CPXM2: variants seen among roughly 807,000 people sequenced by gnomAD.
The protein encoded by CPXM2 is inactive carboxypeptidase-like protein X2.
CPXM2 carries 66 observed loss-of-function variants against 86.1 expected under a neutral mutation model. That is an observed-to-expected ratio of 0.77 (90% CI 0.63 to 0.94). CPXM2 has a LOEUF of 0.94. Among genes scored for constraint, CPXM2 ranks in the 40% least tolerant of loss-of-function variants. The pLI, the probability that CPXM2 is intolerant of heterozygous loss-of-function variation, is 0.00. For synonymous variants in CPXM2, 388 were observed against 400.2 expected, an observed-to-expected ratio of 0.97 and a Z score of 0.36; for missense variants, 948 against 1,026.3, an observed-to-expected ratio of 0.92 and a Z score of 1.04.
At chr10:123,898,827 A>G (rs947611543) in intron 2 of CPXM2, among the ~76,000 whole-genome samples, 3 of 152,186 alleles carry the variant, frequency 2.0e-5, no homozygotes, top group African/African-American at 7.2e-5. Context: ...TCACTGCAAC[A>G]TCAACCTCTC....
At chr10:123,821,623 G>C (rs1384994884) in intron 4 of CPXM2, among the ~76,000 whole-genome samples, 1 of 152,204 alleles carries the variant, frequency 6.6e-6, no homozygotes, top group East Asian at 1.9e-4. Flanking sequence ...GGGACACTAT[G>C]TCTGCATGTC....
chr10:123,763,952 A>G (rs1222954861), intron 10 of CPXM2, among the ~76,000 whole-genome samples: 1 of 152,300 alleles, frequency 6.6e-6, no homozygotes, highest in East Asian at 1.9e-4. Context: ...AATGTATAAG[A>G]AATCTACTGT....
chr10:123,874,122 C>T (rs1218706280), intron 2 of CPXM2, among the ~76,000 whole-genome samples: 1 of 152,062 alleles, frequency 6.6e-6, no homozygotes, highest in East Asian at 1.9e-4. Flanking sequence ...CTCAGCCTCC[C>T]AAAGTGCTGG....
chr10:123,887,333 CA>C (rs1298499115), intron 1 of CPXM2, among the ~76,000 whole-genome samples: 1 of 152,076 alleles, frequency 6.6e-6, no homozygotes, highest in Non-Finnish European at 1.5e-5. Context: ...TGTACAGTAC[CA>C]AAATCCTACT....
chr10:123,872,914 T>A (rs1944916169), intron 2 of CPXM2, among the ~76,000 whole-genome samples: 1 of 150,484 alleles, frequency 6.6e-6, no homozygotes. Flanking sequence ...GGCTTCAACT[T>A]GCCATAAAAA....
At chr10:123,819,537 C>T (rs752873738) in intron 4 of CPXM2, among the ~76,000 whole-genome samples, 2 of 152,198 alleles carry the variant, frequency 1.3e-5, no homozygotes, top group Non-Finnish European at 2.9e-5. Context: ...TGCATGTTTA[C>T]ACTTGTACTA....
chr10:123,877,322 A>G (rs1178602395), intron 2 of CPXM2, among the ~76,000 whole-genome samples: 3 of 152,254 alleles, frequency 2.0e-5, no homozygotes, highest in Admixed American at 6.5e-5. Context: ...AAACAAGGTC[A>G]TGCTTTATCT....
intron 12 of CPXM2, among the ~76,000 whole-genome samples, chr10:123,756,327 G>A (rs367750814): frequency 3.9e-4 from 59 of 152,290 alleles, no homozygotes; most frequent in Admixed American, 2.1e-3. Flanking sequence ...AGTGGGGCCC[G>A]GATACTGTTT....
At chr10:123,936,182 C>CTGTAAAGTAGT (rs1945718891) in intron 2 of CPXM2, among the ~76,000 whole-genome samples, 18 of 152,356 alleles carry the variant, frequency 1.2e-4, no homozygotes, top group Non-Finnish European at 2.4e-4. Context: ...CCCAAAGTAG[C>CTGTAAAGTAGT]CCTGTAAGAT....
chr10:123,879,687 C>A (rs1945049438), intron 2 of CPXM2, among the ~76,000 whole-genome samples: 1 of 152,076 alleles, frequency 6.6e-6, no homozygotes, highest in Non-Finnish European at 1.5e-5. Context: ...AGCTCATGGG[C>A]CAGAGATTGT....
intron 2 of CPXM2, among the ~76,000 whole-genome samples, chr10:123,923,281 T>C (rs1455426998): frequency 6.6e-6 from 1 of 152,240 alleles, no homozygotes; most frequent in Non-Finnish European, 1.5e-5. Flanking sequence ...ATCCTGGCTC[T>C]TAAGAAATAA....
At chr10:123,904,912 A>ATCTGCATCCAGAGACCTCCCCTC in intron 2 of CPXM2, among the ~76,000 whole-genome samples, 1 of 131,662 alleles carries the variant, frequency 7.6e-6, no homozygotes, top group Non-Finnish European at 1.6e-5. Flanking sequence ...GCTCTGCATC[A>ATCTGCATCCAGAGACCTCCCCTC]CACCTGCATC....
At chr10:123,898,150 A>G (rs1248710284) in intron 2 of CPXM2, among the ~76,000 whole-genome samples, 3 of 152,260 alleles carry the variant, frequency 2.0e-5, no homozygotes, top group Admixed American at 2.0e-4. Flanking sequence ...GACTAAAAAT[A>G]TAATAAACTA....
At chr10:123,823,405 G>A (rs933031538) in intron 4 of CPXM2, among the ~76,000 whole-genome samples, 12 of 152,268 alleles carry the variant, frequency 7.9e-5, no homozygotes, top group South Asian at 4.1e-4. Context: ...AGATTTTTGC[G>A]TCTGTCAGAA....
chr10:123,843,669 T>C (rs561144027), intron 3 of CPXM2, among the ~76,000 whole-genome samples: 4 of 152,318 alleles, frequency 2.6e-5, no homozygotes, highest in African/African-American at 9.6e-5. Flanking sequence ...TTACTTTTAA[T>C]TGGCAATGGA....
Position 123,834,725 on chromosome 10 carries a change from C to T in CPXM2, c.653+7624G>A, listed in dbSNP as rs78101799. Among the ~76,000 whole-genome samples, 981 of 152,294 alleles carry T rather than the reference C, an allele frequency of 6.4e-3. 7 individuals are homozygous for T. The highest frequency in any genetic ancestry group is 0.023 in the African/African-American group (937 of 41,550). On this transcript the variant is annotated intron_variant, in intron 4 of 13. Coordinates refer to ENST00000241305, the MANE Select transcript of CPXM2 (RefSeq NM_198148.3). The stretch of plus-strand genomic sequence containing the variant: ...CTAATGTCATGTGGAAATCTGATCC[C>T]GTGTTGGAGGTGCAGCTTAATGGGA...
chr10:123,922,884 G>A lies in CPXM2; in HGVS notation n.174+16593C>T, dbSNP rs557389756. On this transcript the variant is annotated intron_variant and non_coding_transcript_variant, in intron 2 of 19. Coordinates refer to the CPXM2 transcript ENST00000368854. Reference sequence around the variant, plus strand: ...AACAGGATATTCACACGAGGCCAACGTATCACCCACAGATAACTGAATAAT... The same window carrying A: ...AACAGGATATTCACACGAGGCCAACATATCACCCACAGATAACTGAATAAT... Among the ~76,000 whole-genome samples the A allele has an allele frequency of 5.1e-4, 77 of 152,302 alleles. No homozygotes were observed. In the South Asian group the frequency reaches 7.4e-3, roughly 15 times the overall value.
chr10:123,867,959 A>T (rs573710881), intron 2 of CPXM2, among the ~76,000 whole-genome samples: 54 of 152,224 alleles, frequency 3.5e-4, no homozygotes, highest in Non-Finnish European at 7.3e-4. Context: ...CAGGATGAGG[A>T]AACCACTTGC....
rs1377013202 is a variant in CPXM2, at chr10:123,754,643, CTGCACACATT to C, written c.2017+10_2017+19del. 1 of 1,296,982 alleles carries C rather than the reference CTGCACACATT, an allele frequency of 7.7e-7. No homozygotes were observed. Among genetic ancestry groups the C allele is most frequent in the South Asian group, 1.2e-5 (1 of 84,496 alleles). 80.3% of individuals were successfully genotyped at this position (1,296,982 alleles called of 1,614,324 possible). ...TGGGTATTTCTTACCAAGAGACAGT[CTGCACACATT>C]TGCAGTTACCTGTTCGGATGTCATG... On this transcript the variant is annotated intron_variant, in intron 13 of 13. Transcript: ENST00000241305. This position sits in a 1 kb window ranked among gnomAD's most constrained non-coding sequence, Gnocchi z 4.0.
Sources: gnomAD v4.1 joint callset for allele counts (sites outside exome capture counted in the v4.1 genomes callset) on GRCh38, gnomAD v4.1.1 for gene constraint, Gnocchi (gnomAD v3.1) non-coding constraint, MANE v1.5 for transcripts, NCBI Gene and HGNC (gene_info 2026-07-23, HGNC 2026-07-21) for gene names.